Variants in KIF6 observed in about 807,000 individuals in gnomAD.
The protein encoded by KIF6 is kinesin family member 6.
A neutral mutation model predicts 112.7 loss-of-function variants in KIF6; 106 were observed. That is an observed-to-expected ratio of 0.94 (90% CI 0.80 to 1.11). The LOEUF is 1.11. Ranked by LOEUF, KIF6 falls within the 50% of genes least tolerant of loss-of-function variation. KIF6 has a pLI of 0.00. For missense variants in KIF6, 929 were observed against 964.0 expected, an observed-to-expected ratio of 0.96 and a Z score of 0.48; for synonymous variants, 339 against 339.9, an observed-to-expected ratio of 1.00 and a Z score of 0.03.
intron 13 of KIF6, among the ~76,000 whole-genome samples, chr6:39,539,074 G>A: frequency 8.8e-6 from 1 of 113,422 alleles, no homozygotes; most frequent in Non-Finnish European, 1.7e-5. Context: ...TTGTGGGGTG[G>A]GGGGAGGGGG....
At chr6:39,714,623 C>T in intron 3 of KIF6, 69 bp downstream of exon 3, 1 of 1,021,838 alleles carries the variant, frequency 9.8e-7, no homozygotes, top group Non-Finnish European at 1.5e-6. Context: ...CACACTACCA[C>T]AGTTATCTGA....
intron 4 of KIF6, among the ~76,000 whole-genome samples, chr6:39,637,566 G>A (rs1784688621): frequency 1.3e-5 from 2 of 151,902 alleles, no homozygotes; most frequent in African/African-American, 4.8e-5. Context: ...AGTAGGCACT[G>A]GGCTCTTACT....
chr6:39,585,707 G>A (rs1187017038), intron 8 of KIF6, among the ~76,000 whole-genome samples: 1 of 152,148 alleles, frequency 6.6e-6, no homozygotes, highest in Non-Finnish European at 1.5e-5. Context: ...CAAAAAGAGA[G>A]GTTTGTCAAG....
At chr6:39,547,082 T>C (rs1192114612) in intron 10 of KIF6, among the ~76,000 whole-genome samples, 1 of 152,236 alleles carries the variant, frequency 6.6e-6, no homozygotes, top group African/African-American at 2.4e-5. Flanking sequence ...TGATGTTATG[T>C]ATCATAATAC....
At chr6:39,672,974 T>G (rs1001620532) in intron 3 of KIF6, among the ~76,000 whole-genome samples, 1 of 152,112 alleles carries the variant, frequency 6.6e-6, no homozygotes, top group African/African-American at 2.4e-5. Context: ...AAGTTTAAAG[T>G]GCCAGCTCAG....
At chr6:39,417,563 G>GCCTC (rs2150361162) in intron 15 of KIF6, among the ~76,000 whole-genome samples, 1 of 152,344 alleles carries the variant, frequency 6.6e-6, no homozygotes, top group Admixed American at 6.5e-5. Context: ...TCTCTGGGCA[G>GCCTC]ATCAAATGAC....
intron 9 of KIF6, among the ~76,000 whole-genome samples, chr6:39,581,171 T>A: frequency 6.8e-6 from 1 of 146,584 alleles, no homozygotes; most frequent in Admixed American, 6.8e-5. Context: ...CTTTTTTTTT[T>A]TTTTTTTTTT....
At chr6:39,370,058 G>A (rs1003579505) in intron 16 of KIF6, among the ~76,000 whole-genome samples, 2 of 152,198 alleles carry the variant, frequency 1.3e-5, no homozygotes, top group African/African-American at 4.8e-5. Context: ...CATTGGAAGT[G>A]TGCCTGAAGT....
At chr6:39,545,108 G>A (rs1778996567) in intron 11 of KIF6, among the ~76,000 whole-genome samples, 1 of 151,864 alleles carries the variant, frequency 6.6e-6, no homozygotes, top group African/African-American at 2.4e-5. Flanking sequence ...TCTATACCTG[G>A]CCCTTAGTAA....
At chr6:39,714,255 C>A (rs1789706564) in intron 3 of KIF6, among the ~76,000 whole-genome samples, 1 of 152,150 alleles carries the variant, frequency 6.6e-6, no homozygotes, top group African/African-American at 2.4e-5. Context: ...GCAGGGCCAG[C>A]ATCATTAGGC....
chr6:39,395,068 T>A (rs2150329872), intron 15 of KIF6, among the ~76,000 whole-genome samples: 1 of 152,300 alleles, frequency 6.6e-6, no homozygotes, highest in East Asian at 1.9e-4. Flanking sequence ...TACATGATAA[T>A]CACATTTTGG....
At chr6:39,635,749 G>A (rs1385201320) in intron 4 of KIF6, among the ~76,000 whole-genome samples, 1 of 151,938 alleles carries the variant, frequency 6.6e-6, no homozygotes. Context: ...CCTCTGAGGT[G>A]GAATAAAATA....
chr6:39,662,921 T>G (rs1786249060), intron 3 of KIF6, among the ~76,000 whole-genome samples: 1 of 152,082 alleles, frequency 6.6e-6, no homozygotes, highest in South Asian at 2.1e-4. Flanking sequence ...CTTTTTTTTT[T>G]TTATAGGGTC....
At chr6:39,721,760 C>T (rs958112396) in intron 1 of KIF6, among the ~76,000 whole-genome samples, 7 of 149,388 alleles carry the variant, frequency 4.7e-5, no homozygotes, top group African/African-American at 1.7e-4. Context: ...ATGGAAATCA[C>T]CATAAAATTG....
intron 19 of KIF6, among the ~76,000 whole-genome samples, chr6:39,352,288 AGTCCATG>A (rs1764315605): frequency 6.6e-6 from 1 of 152,248 alleles, no homozygotes; most frequent in Non-Finnish European, 1.5e-5. Flanking sequence ...TATGAACTAA[AGTCCATG>A]GTTTATGCAG....
At chr6:39,564,414 A>G (rs1308960140) in intron 10 of KIF6, among the ~76,000 whole-genome samples, 2 of 152,220 alleles carry the variant, frequency 1.3e-5, no homozygotes, top group African/African-American at 4.8e-5. Flanking sequence ...ATGCAGTCTT[A>G]AGTTATCACT....
intron 14 of KIF6, among the ~76,000 whole-genome samples, chr6:39,424,169 T>C (rs749591633): frequency 2.6e-5 from 4 of 152,184 alleles, no homozygotes; most frequent in Admixed American, 2.6e-4. Context: ...CTGTCTCTCA[T>C]CTTGGGGACG....
chr6:39,606,177 A>C (rs1782875515), intron 6 of KIF6, among the ~76,000 whole-genome samples: 1 of 148,728 alleles, frequency 6.7e-6, no homozygotes, highest in South Asian at 2.1e-4. Flanking sequence ...CTTCCTTTCT[A>C]TTCACTTCTA....
chr6:39,725,341 C>G lies in KIF6; in HGVS notation c.-31G>C. 6.3e-7 allele frequency: 1 copy of G among 1,586,340 alleles called. No individual in the cohort carries two copies. The highest frequency in any genetic ancestry group is 1.1e-5 in the South Asian group (1 of 88,638). ...CCCTGGCTCTGCAATGACCCTTGAC[C>G]TCTCTCAGGCCCGGGCTGCCAAAAC... On this transcript the variant is annotated 5_prime_UTR_variant, in exon 1 of 23. Transcript: ENST00000287152.
Sources: gnomAD v4.1 joint callset for allele counts (sites outside exome capture counted in the v4.1 genomes callset) on GRCh38, gnomAD v4.1.1 for gene constraint, MANE v1.5 for transcripts, NCBI Gene and HGNC (gene_info 2026-07-23, HGNC 2026-07-21) for gene names.